The following NKAIN2 variants were observed in gnomAD, a reference collection of about 807,000 sequenced individuals.
NKAIN2 encodes the protein sodium/potassium transporting ATPase interacting 2.
In NKAIN2, 14 loss-of-function variants were observed where a neutral mutation model predicts 32.6. The observed-to-expected ratio is 0.43, with a 90% CI of 0.28 to 0.67. The LOEUF is 0.67. Among genes scored for constraint, NKAIN2 ranks in the 30% least tolerant of loss-of-function variants. NKAIN2 has a pLI of 0.17. For synonymous variants in NKAIN2, 80 were observed against 87.2 expected (o/e 0.92, Z 0.46); for missense variants, 198 against 258.3 (o/e 0.77, Z 1.60).
chr6:124,568,885 C>G (rs1271696862), intron 3 of NKAIN2, among the ~76,000 whole-genome samples: 1 of 135,514 alleles, frequency 7.4e-6, no homozygotes, highest in Non-Finnish European at 1.5e-5. Context: ...GAAACTCATA[C>G]ATGTTTAAGC....
intron 1 of NKAIN2, among the ~76,000 whole-genome samples, chr6:123,891,868 G>A (rs567018966): frequency 1.3e-5 from 2 of 152,094 alleles, no homozygotes; most frequent in East Asian, 3.9e-4. Context: ...GATGAAAATA[G>A]CCTTATTATT....
intron 1 of NKAIN2, among the ~76,000 whole-genome samples, chr6:123,914,693 C>A (rs114866254): frequency 1.8e-3 from 276 of 152,266 alleles, no homozygotes; most frequent in African/African-American, 6.3e-3. Flanking sequence ...CTGTCTCACT[C>A]AGGTCTCTCT....
chr6:123,938,717 A>G (rs1776680968), intron 1 of NKAIN2, among the ~76,000 whole-genome samples: 1 of 150,068 alleles, frequency 6.7e-6, no homozygotes, highest in South Asian at 2.1e-4. Flanking sequence ...TACTAAAAAT[A>G]TGGGAGAAAG....
chr6:124,463,944 G>A (rs991877330), intron 3 of NKAIN2, among the ~76,000 whole-genome samples: 3 of 151,984 alleles, frequency 2.0e-5, no homozygotes, highest in Admixed American at 6.6e-5. Flanking sequence ...AGATAGTAAG[G>A]TTGGTGCAGG....
intron 1 of NKAIN2, among the ~76,000 whole-genome samples, chr6:124,260,657 C>T (rs2114841157): frequency 6.6e-6 from 1 of 152,180 alleles, no homozygotes; most frequent in South Asian, 2.1e-4. Flanking sequence ...TTTACTCTGA[C>T]ATGGGAAGCC....
intron 5 of NKAIN2, among the ~76,000 whole-genome samples, chr6:124,796,059 A>C (rs1176581046): frequency 6.6e-6 from 1 of 152,122 alleles, no homozygotes; most frequent in Non-Finnish European, 1.5e-5. Context: ...GCAGACTCAC[A>C]GGGTGCCACT....
At chr6:124,303,802 G>C (rs1796395580) in intron 2 of NKAIN2, among the ~76,000 whole-genome samples, 1 of 152,186 alleles carries the variant, frequency 6.6e-6, no homozygotes, top group Admixed American at 6.5e-5. Context: ...AGTATTCCCA[G>C]TTAAAGATGA....
intron 3 of NKAIN2, among the ~76,000 whole-genome samples, chr6:124,374,907 C>A (rs1799918161): frequency 6.6e-6 from 1 of 152,020 alleles, no homozygotes; most frequent in Non-Finnish European, 1.5e-5. Context: ...AACACAATGG[C>A]ATGCAAGACA....
At chr6:124,692,010 A>C (rs1186208736) in intron 4 of NKAIN2, among the ~76,000 whole-genome samples, 3 of 152,218 alleles carry the variant, frequency 2.0e-5, no homozygotes, top group Non-Finnish European at 2.9e-5. Flanking sequence ...TTAAAGGATA[A>C]AAATATAAAA....
At chr6:124,235,488 T>C (rs1161109028) in intron 1 of NKAIN2, among the ~76,000 whole-genome samples, 2 of 152,142 alleles carry the variant, frequency 1.3e-5, no homozygotes, top group African/African-American at 4.8e-5. Flanking sequence ...GAACATAACT[T>C]ATGACAGATG....
Position 124,670,645 on chromosome 6 carries a change from CTGTGTGTGTG to C in NKAIN2, c.474+12285_474+12294del, listed in dbSNP as rs57300688. Among the ~76,000 whole-genome samples, 19 of 123,914 alleles carry C rather than the reference CTGTGTGTGTG, an allele frequency of 1.5e-4. No individual in the cohort carries two copies. In the South Asian group the frequency reaches 1.7e-3, roughly 11 times the overall value. 81.3% of individuals were successfully genotyped at this position (123,914 alleles called of 152,430 possible). A position where few individuals can be genotyped will look rare whatever the true frequency, so the allele number is the denominator to read the frequency against. On this transcript the variant is annotated intron_variant, in intron 4 of 6. Coordinates refer to ENST00000368417, the MANE Select transcript of NKAIN2 (RefSeq NM_001040214.3). ...TTTACCTGAGATTAATCTTTGCTTT[CTGTGTGTGTG>C]TGTGTGTGTGTGTGTGTGTGTGTGT... is the stretch of plus-strand genomic sequence containing the variant.
chr6:124,689,121 C>T (rs1774137232), intron 4 of NKAIN2, among the ~76,000 whole-genome samples: 1 of 152,100 alleles, frequency 6.6e-6, no homozygotes, highest in African/African-American at 2.4e-5. Flanking sequence ...CCTCTTCCTC[C>T]ACATCCTTGC....
intron 4 of NKAIN2, among the ~76,000 whole-genome samples, chr6:124,765,770 C>A (rs1778488159): frequency 6.6e-6 from 1 of 152,182 alleles, no homozygotes; most frequent in Non-Finnish European, 1.5e-5. Context: ...CCTCCTTAAT[C>A]TCATTAAATT....
intron 1 of NKAIN2, among the ~76,000 whole-genome samples, chr6:124,245,429 T>C (rs940737762): frequency 6.6e-6 from 1 of 152,026 alleles, no homozygotes; most frequent in East Asian, 1.9e-4. Flanking sequence ...CACAGGAGTG[T>C]TATATATATA....
intron 2 of NKAIN2, among the ~76,000 whole-genome samples, chr6:124,301,339 C>A (rs996194410): frequency 3.9e-5 from 6 of 152,198 alleles, no homozygotes; most frequent in Non-Finnish European, 5.9e-5. Flanking sequence ...CCTGGATGTC[C>A]AGGTAGAGGT....
chr6:124,760,699 A>G (rs1019728914), intron 4 of NKAIN2, among the ~76,000 whole-genome samples: 1 of 152,024 alleles, frequency 6.6e-6, no homozygotes, highest in African/African-American at 2.4e-5. Context: ...AAATATTAGG[A>G]TAAGTTCATA....
rs572554324 is a variant in NKAIN2, at chr6:124,089,540, T to C, written c.55-193465T>C. On this transcript the variant is annotated intron_variant, in intron 1 of 6. Transcript: ENST00000368417. The stretch of plus-strand genomic sequence containing the variant: ...TAGAGCATACATTTTCACTTTACTA[T>C]GTCTGTGTTTATGTGACTTTCTCTT... 3.3e-5 allele frequency among the ~76,000 whole-genome samples: 5 copies of C among 152,078 alleles called. No individual in the cohort carries two copies. In the South Asian group the frequency reaches 1.0e-3, roughly 32 times the overall value.
intron 3 of NKAIN2, among the ~76,000 whole-genome samples, chr6:124,498,002 C>T (rs573236913): frequency 6.6e-6 from 1 of 152,168 alleles, no homozygotes; most frequent in South Asian, 2.1e-4. Flanking sequence ...TTTCTATATC[C>T]TTCTCTCCCC....
chr6:124,015,046 A>T (rs1780499161), intron 1 of NKAIN2, among the ~76,000 whole-genome samples: 1 of 152,168 alleles, frequency 6.6e-6, no homozygotes, highest in South Asian at 2.1e-4. Context: ...GTGTAATTTG[A>T]AGGACATATT....
Sources: allele counts gnomAD v4.1 joint callset (sites outside exome capture counted in the v4.1 genomes callset), GRCh38; gene constraint gnomAD v4.1.1; transcripts MANE v1.5; gene names NCBI Gene and HGNC (gene_info 2026-07-23, HGNC 2026-07-21).